The following TYW1B variants were observed in gnomAD, a reference collection of about 807,000 sequenced individuals.
The protein encoded by TYW1B is S-adenosyl-L-methionine-dependent tRNA 4-demethylwyosine synthase TYW1B.
In TYW1B, 73 loss-of-function variants were observed where a neutral mutation model predicts 86.9. The ratio of observed to expected loss-of-function variants is 0.84; its 90% confidence interval spans 0.70 to 1.02. The LOEUF (loss-of-function observed/expected upper bound fraction) is 1.02, where lower values mean the gene tolerates loss of function less well. Among genes scored for constraint, TYW1B ranks in the 50% least tolerant of loss-of-function variants. The pLI is 0.00. For synonymous variants in TYW1B, 248 were observed against 292.8 expected (o/e 0.85, Z 1.56); for missense variants, 637 against 827.4 (o/e 0.77, Z 2.82).
intron 10 of TYW1B, among the ~76,000 whole-genome samples, chr7:72,702,508 CT>C (rs144275420): frequency 0.013 from 1,904 of 152,198 alleles, 17 homozygotes; most frequent in Non-Finnish European, 0.019. Context: ...TTGCCTCAGC[CT>C]CCTCAGTAGC....
chr7:72,656,720 C>G (rs1367733788), intron 11 of TYW1B, among the ~76,000 whole-genome samples: 1 of 152,162 alleles, frequency 6.6e-6, no homozygotes, highest in Non-Finnish European at 1.5e-5. Flanking sequence ...GTGCTGCGAC[C>G]TGCTTCTGGT....
At chr7:72,600,560 A>G (rs1337151835) in intron 13 of TYW1B, among the ~76,000 whole-genome samples, 1 of 152,224 alleles carries the variant, frequency 6.6e-6, no homozygotes, top group Non-Finnish European at 1.5e-5. Context: ...GAGAATGAAG[A>G]GTCAAACCAC....
At chr7:72,678,619 C>CTT (rs56738372) in intron 11 of TYW1B, among the ~76,000 whole-genome samples, 56,371 of 107,268 alleles carry the variant, frequency 0.53, 11,754 homozygotes, top group Non-Finnish European at 0.63. Context: ...AATTCCAGCA[C>CTT]TTTTTTTTTT....
At chr7:72,591,992 T>A (rs1437148416) in intron 13 of TYW1B, among the ~76,000 whole-genome samples, 3 of 151,652 alleles carry the variant, frequency 2.0e-5, no homozygotes, top group Non-Finnish European at 4.4e-5. Context: ...CCTGGACAAT[T>A]TTTGTATTTT....
intron 13 of TYW1B, among the ~76,000 whole-genome samples, chr7:72,609,682 G>T (rs545330736): frequency 2.6e-5 from 4 of 152,292 alleles, no homozygotes; most frequent in Non-Finnish European, 1.5e-5. Context: ...TCAGGAGCTT[G>T]AAGAAAGGGC....
At chr7:72,666,715 T>G (rs1325911406) in intron 11 of TYW1B, among the ~76,000 whole-genome samples, 2 of 151,846 alleles carry the variant, frequency 1.3e-5, no homozygotes, top group Non-Finnish European at 2.9e-5. Context: ...GTGTTACACA[T>G]CAACTCAAAA....
intron 7 of TYW1B, among the ~76,000 whole-genome samples, chr7:72,759,627 T>A (rs1563084636): frequency 6.6e-6 from 1 of 152,174 alleles, no homozygotes; most frequent in Admixed American, 6.6e-5. Flanking sequence ...GTCTTCTAAC[T>A]CACTATCTCT....
At chr7:72,821,974 C>A (rs544740645) in intron 2 of TYW1B, among the ~76,000 whole-genome samples, 1 of 151,848 alleles carries the variant, frequency 6.6e-6, no homozygotes, top group South Asian at 2.1e-4. Flanking sequence ...GGGCCAGGCA[C>A]GTGGCTCAAG....
intron 3 of TYW1B, 69 bp from the exon 4 acceptor site, chr7:72,810,734 T>G (rs1554478013): frequency 6.6e-7 from 1 of 1,515,834 alleles, no homozygotes; most frequent in African/African-American, 1.4e-5. Context: ...GAAAATCCTT[T>G]GAAAAAAAGC....
chr7:72,815,781 T>A (rs1788711795), intron 2 of TYW1B, among the ~76,000 whole-genome samples: 2 of 152,154 alleles, frequency 1.3e-5, no homozygotes, highest in African/African-American at 2.4e-5. Flanking sequence ...GGCTCATGCC[T>A]GTAATCCCAG....
chr7:72,809,630 T>A (rs1461869915), intron 4 of TYW1B, among the ~76,000 whole-genome samples: 1 of 151,830 alleles, frequency 6.6e-6, no homozygotes, highest in Non-Finnish European at 1.5e-5. Flanking sequence ...CCAGCCTGGA[T>A]GACAAAGCAA....
intron 10 of TYW1B, among the ~76,000 whole-genome samples, chr7:72,702,807 T>C (rs1185965236): frequency 6.6e-6 from 1 of 152,050 alleles, no homozygotes; most frequent in African/African-American, 2.4e-5. Context: ...CCTCACATTG[T>C]TGCATGCCTT....
intron 6 of TYW1B, among the ~76,000 whole-genome samples, chr7:72,799,468 T>G (rs1223353958): frequency 6.6e-6 from 1 of 150,492 alleles, no homozygotes; most frequent in East Asian, 1.9e-4. Context: ...CAGTCAGGTC[T>G]GCCTTTTTTT....
chr7:72,767,040 C>T (rs1186314371), intron 7 of TYW1B, among the ~76,000 whole-genome samples: 1 of 151,792 alleles, frequency 6.6e-6, no homozygotes, highest in Non-Finnish European at 1.5e-5. Flanking sequence ...AATGGAGTCA[C>T]TAATGTTAAG....
intron 11 of TYW1B, among the ~76,000 whole-genome samples, chr7:72,672,350 A>C (rs186709605): frequency 1.3e-5 from 2 of 152,064 alleles, no homozygotes; most frequent in African/African-American, 4.8e-5. Context: ...TTCCTCTTAC[A>C]TTAACAGAGC....
chr7:72,725,486 A>G (rs567247994), intron 9 of TYW1B, among the ~76,000 whole-genome samples: 5 of 152,238 alleles, frequency 3.3e-5, no homozygotes, highest in African/African-American at 1.2e-4. Context: ...TGATATTACT[A>G]TCTGTGATGG....
intron 13 of TYW1B, among the ~76,000 whole-genome samples, chr7:72,610,106 AAT>A (rs1375997485): frequency 6.6e-6 from 1 of 152,216 alleles, no homozygotes; most frequent in Non-Finnish European, 1.5e-5. Flanking sequence ...TGTCATAACA[AAT>A]AGAACTGCTA....
intron 7 of TYW1B, among the ~76,000 whole-genome samples, chr7:72,774,034 A>G (rs1478118791): frequency 6.7e-6 from 1 of 148,604 alleles, no homozygotes; most frequent in Non-Finnish European, 1.5e-5. Flanking sequence ...TGCACCCCAG[A>G]CTGGGCAACA....
intron 11 of TYW1B, among the ~76,000 whole-genome samples, chr7:72,688,214 T>C (rs570357026): frequency 6.6e-6 from 1 of 152,348 alleles, no homozygotes; most frequent in South Asian, 2.1e-4. Context: ...ATATTTATTT[T>C]CTAAATGTAA....
Sources: allele counts gnomAD v4.1 joint callset (sites outside exome capture counted in the v4.1 genomes callset), GRCh38; gene constraint gnomAD v4.1.1; transcripts MANE v1.5; gene names NCBI Gene and HGNC (gene_info 2026-07-23, HGNC 2026-07-21).